EXOC6B: variants seen among roughly 807,000 people sequenced by gnomAD.
The protein encoded by EXOC6B is exocyst complex component 6B, also known as SEC15 homolog B.
A neutral mutation model predicts 113.5 loss-of-function variants in EXOC6B; 54 were observed. The ratio of observed to expected loss-of-function variants is 0.48; its 90% CI spans 0.38 to 0.60. The LOEUF (loss-of-function observed/expected upper bound fraction) is 0.60, where lower values mean the gene tolerates loss of function less well. Ranked by LOEUF, EXOC6B falls within the 20% of genes least tolerant of loss-of-function variation. EXOC6B has a pLI of 0.00. For missense variants in EXOC6B, 797 were observed against 977.5 expected (o/e 0.82, Z 2.46); for synonymous variants, 357 against 339.0 (o/e 1.05, Z -0.58).
intron 20 of EXOC6B, among the ~76,000 whole-genome samples, chr2:72,331,084 G>T (rs1222454753): frequency 6.6e-6 from 1 of 152,044 alleles, no homozygotes; most frequent in African/African-American, 2.4e-5. Context: ...AGCCAACATG[G>T]GGTAATTTAT....
At chr2:72,236,010 A>T (rs891744004) in intron 20 of EXOC6B, among the ~76,000 whole-genome samples, 1 of 152,214 alleles carries the variant, frequency 6.6e-6, no homozygotes, top group Non-Finnish European at 1.5e-5. Flanking sequence ...GACAAATGCT[A>T]TATTAATCAT....
At chr2:72,412,641 A>T (rs1242334630) in intron 18 of EXOC6B, among the ~76,000 whole-genome samples, 3 of 152,232 alleles carry the variant, frequency 2.0e-5, no homozygotes, top group Non-Finnish European at 2.9e-5. Context: ...CTAAGATAAC[A>T]CTTTAGCTAC....
At chr2:72,276,073 A>G (rs1157703091) in intron 20 of EXOC6B, among the ~76,000 whole-genome samples, 2 of 152,066 alleles carry the variant, frequency 1.3e-5, no homozygotes, top group African/African-American at 2.4e-5. Flanking sequence ...AGGGTGGAAA[A>G]GGGAAGGAGA....
At chr2:72,661,993 G>C (rs938595873) in intron 6 of EXOC6B, among the ~76,000 whole-genome samples, 2 of 150,042 alleles carry the variant, frequency 1.3e-5, no homozygotes, top group South Asian at 2.1e-4. Context: ...ATATGGTGTT[G>C]GAACAATTGG....
At chr2:72,559,583 T>C in intron 7 of EXOC6B, 62 bp from the exon 8 acceptor site, 1 of 1,317,564 alleles carries the variant, frequency 7.6e-7, no homozygotes. Flanking sequence ...ACTACATTAA[T>C]TGTTACTACT....
intron 6 of EXOC6B, among the ~76,000 whole-genome samples, chr2:72,604,004 T>G (rs1334437288): frequency 6.6e-6 from 1 of 152,220 alleles, no homozygotes; most frequent in Non-Finnish European, 1.5e-5. Flanking sequence ...TAGAATGTTT[T>G]TTCATTTATA....
intron 8 of EXOC6B, among the ~76,000 whole-genome samples, chr2:72,550,931 T>A (rs112726410): frequency 6.6e-6 from 1 of 150,742 alleles, no homozygotes; most frequent in Non-Finnish European, 1.5e-5. Context: ...TTTTTTTTTT[T>A]TTTTTGAGAC....
chr2:72,560,678 G>A (rs567431094), intron 7 of EXOC6B, among the ~76,000 whole-genome samples: 51 of 152,042 alleles, frequency 3.4e-4, no homozygotes, highest in Middle Eastern at 3.4e-3. Flanking sequence ...TGACTATTCT[G>A]TTCATCTGCT....
At chr2:72,544,942 C>T (rs1420632807) in intron 8 of EXOC6B, among the ~76,000 whole-genome samples, 1 of 151,986 alleles carries the variant, frequency 6.6e-6, no homozygotes. Context: ...CAGGCATTTC[C>T]CATTTGCCTT....
At chr2:72,745,179 G>A (rs1681612903) in intron 1 of EXOC6B, among the ~76,000 whole-genome samples, 1 of 152,124 alleles carries the variant, frequency 6.6e-6, no homozygotes, top group Non-Finnish European at 1.5e-5. Context: ...TGGATCAGGG[G>A]TGGTGGCCCA....
chr2:72,636,377 G>GAAGGAAGGAAGGAAGGAAGGAAGC (rs1423538257), intron 6 of EXOC6B, among the ~76,000 whole-genome samples: 32 of 146,250 alleles, frequency 2.2e-4, no homozygotes, highest in African/African-American at 7.5e-4. Context: ...AGGAAGCAAG[G>GAAGGAAGGAAGGAAGGAAGGAAGC]AAGCAAGGAA....
intron 6 of EXOC6B, among the ~76,000 whole-genome samples, chr2:72,686,544 C>T (rs555204491): frequency 1.4e-4 from 22 of 152,184 alleles, no homozygotes; most frequent in South Asian, 1.0e-3. Flanking sequence ...GTGAAAAGTC[C>T]GGGTTTCAGA....
chr2:72,468,340 G>A (rs887123918), intron 17 of EXOC6B, among the ~76,000 whole-genome samples: 35 of 152,054 alleles, frequency 2.3e-4, no homozygotes, highest in African/African-American at 8.5e-4. Context: ...GTGAGATGAG[G>A]AACAAATTTC....
intron 5 of EXOC6B, among the ~76,000 whole-genome samples, chr2:72,730,175 C>T (rs932686261): frequency 1.3e-5 from 2 of 152,204 alleles, no homozygotes; most frequent in Non-Finnish European, 1.5e-5. Context: ...AATTTAACCT[C>T]ACCCTTCCCC....
intron 20 of EXOC6B, among the ~76,000 whole-genome samples, chr2:72,266,465 C>G (rs1342490909): frequency 4.4e-4 from 67 of 151,618 alleles, no homozygotes; most frequent in Non-Finnish European, 2.1e-4. Context: ...TTTCAGCTTT[C>G]TACATATGGC....
rs781298134 is a variant in EXOC6B, at chr2:72,825,918, G to C, written c.-8C>G. Reference sequence around the variant, plus strand: ...CATCTTACCCCGCTCCATAGACTGGGGGCGCCCCGCAGCGCGTCCCCTCCG... The same window carrying C: ...CATCTTACCCCGCTCCATAGACTGGCGGCGCCCCGCAGCGCGTCCCCTCCG... On this transcript the variant is annotated 5_prime_UTR_variant, in exon 1 of 22. Transcript: ENST00000272427. This position sits in a 1 kb window ranked among gnomAD's most constrained non-coding sequence, Gnocchi z 4.4. 3 of 1,611,368 alleles carry C rather than the reference G, an allele frequency of 1.9e-6. No homozygotes were observed. The Admixed American group carries it at 5.0e-5, about 27-fold the overall frequency.
intron 6 of EXOC6B, among the ~76,000 whole-genome samples, chr2:72,661,131 A>AC (rs112359228): frequency 0.26 from 40,065 of 151,772 alleles, 9,734 homozygotes; most frequent in African/African-American, 0.65. Flanking sequence ...GTGCATCCAA[A>AC]CCCAGTTATT....
intron 15 of EXOC6B, among the ~76,000 whole-genome samples, chr2:72,494,672 G>C (rs1482046935): frequency 3.9e-4 from 59 of 152,040 alleles, no homozygotes; most frequent in Non-Finnish European, 1.2e-4. Context: ...CCCTACAAAA[G>C]GATGGAACAC....
chr2:72,241,526 T>C (rs1682310346), intron 20 of EXOC6B, among the ~76,000 whole-genome samples: 2 of 151,826 alleles, frequency 1.3e-5, no homozygotes, highest in South Asian at 4.1e-4. Flanking sequence ...GCAAGATAAA[T>C]ACCAAAAAAT....
Sources: gnomAD v4.1 joint callset for allele counts (sites outside exome capture counted in the v4.1 genomes callset) on GRCh38, gnomAD v4.1.1 for gene constraint, Gnocchi (gnomAD v3.1) non-coding constraint, MANE v1.5 for transcripts, NCBI Gene and HGNC (gene_info 2026-07-23, HGNC 2026-07-21) for gene names.